The following SLC23A3 variants were observed in gnomAD, a reference collection of about 807,000 sequenced individuals.
SLC23A3 encodes the protein solute carrier family 23 member 3.
A neutral mutation model predicts 64.7 loss-of-function variants in SLC23A3; 41 were observed. That is an observed-to-expected ratio of 0.63 (90% confidence interval 0.49 to 0.82). SLC23A3 has a LOEUF of 0.82. SLC23A3 is among the 40% of genes least tolerant of loss of function. SLC23A3 has a pLI of 0.00. For synonymous variants in SLC23A3, 281 were observed against 306.8 expected, an observed-to-expected ratio of 0.92 and a Z score of 0.88; for missense variants, 647 against 733.4, an observed-to-expected ratio of 0.88 and a Z score of 1.36.
Position 219,165,308 on chromosome 2 carries a change from T to G in SLC23A3, c.1028A>C (p.His343Pro). ...GCYALCGRLL[H>P]LPPPPPHACS... ...GGCATGTGGAGGTGGGGGAGGCAAA[T>G]GCAGCAGCCGGCCACACAGGGCATA... Residue 343 changes from histidine (H) to proline (P), a missense_variant, in exon 8 of 12, where the codon CAT (histidine) becomes CCT (proline). His to Pro is a moderately conservative substitution (Grantham distance 77). Transcript: ENST00000409878. 1 of 1,551,508 alleles carries G rather than the reference T, an allele frequency of 6.4e-7. No homozygotes were observed. The highest frequency in any genetic ancestry group is 8.7e-7 in the Non-Finnish European group (1 of 1,146,974).
intron 10 of SLC23A3, among the ~76,000 whole-genome samples, chr2:219,162,927 A>T (rs1949964278): frequency 6.6e-6 from 1 of 152,160 alleles, no homozygotes; most frequent in Non-Finnish European, 1.5e-5. Flanking sequence ...GGGCAAAATC[A>T]CCCAGTTGAG....
intron 7 of SLC23A3, 94 bp from the exon 8 acceptor site, chr2:219,165,516 C>T: frequency 3.6e-6 from 5 of 1,405,384 alleles, no homozygotes; most frequent in South Asian, 1.4e-5. Context: ...CTAGATGCCT[C>T]AATGTCTTTG....
chr2:219,168,749 C>G lies in SLC23A3; in HGVS notation c.577G>C (p.Gly193Arg), dbSNP rs1950030767. The change falls in exon 5 of 12, where the codon GGG becomes CGG. Residue 193 changes from glycine to arginine, a missense_variant. Transcript: ENST00000409878. ...GSPGHVFPHC[G>R]PLVLAPSLVV... The stretch of plus-strand genomic sequence containing the variant: ...AGGCTGGGAGCCAGCACCAGGGGCC[C>G]ACAGTGGGGGAACACGTGGCCGGGA... 1.2e-6 allele frequency: 2 copies of G among 1,613,028 alleles called. No homozygotes were observed. Among genetic ancestry groups the G allele is most frequent in the Non-Finnish European group, 1.7e-6 (2 of 1,179,474 alleles).
rs573276187 is a variant in SLC23A3, at chr2:219,165,219, T to C, written c.1117A>G (p.Met373Val). The C allele has an allele frequency of 1.3e-6, 2 of 1,551,764 alleles. No individual in the cohort carries two copies. Among genetic ancestry groups the C allele is most frequent in the East Asian group, 2.4e-5 (1 of 40,924 alleles). ...TTGGGGAAGCTGGATGCAGTGCCCA[T>C]GGGGCTTCCCAGCAGCCCGGCCAGC... The part of the protein sequence containing the change: ...SVLAGLLGSP[M>V]GTASSFPNVG... The change falls in exon 8 of 12, where the codon ATG becomes GTG. Residue 373 changes from methionine to valine, a missense_variant. Transcript: ENST00000409878.
intron 4 of SLC23A3, 75 bp from the exon 5 acceptor site, chr2:219,168,908 T>C (rs924310055): frequency 1.2e-5 from 19 of 1,554,030 alleles, no homozygotes; most frequent in Non-Finnish European, 1.6e-5. Flanking sequence ...TCTTCCTAAT[T>C]CTAAGTATGG....
At position 219,169,239 on chromosome 2, in the gene SLC23A3, C is replaced by A; in HGVS notation, c.418+70G>T. On this transcript the variant is annotated intron_variant, in intron 3 of 11. Coordinates refer to ENST00000409878, the MANE Select transcript of SLC23A3 (RefSeq NM_001144889.2). The surrounding 1 kb of genome is among the most constrained non-coding windows in gnomAD (Gnocchi z 4.5). The stretch of plus-strand genomic sequence containing the variant: ...CCACTGCCCAATCTCAATTCTGCAC[C>A]CACCTACACCTGCATGCTCAGATGA... 6.2e-7 allele frequency: 1 copy of A among 1,612,832 alleles called. No individual in the cohort carries two copies. Among genetic ancestry groups the A allele is most frequent in the East Asian group, 2.2e-5 (1 of 44,862 alleles).
intron 8 of SLC23A3, 171 bp from the exon 9 acceptor site, chr2:219,164,509 T>A (rs755720889): frequency 3.2e-4 from 182 of 561,870 alleles, no homozygotes; most frequent in Non-Finnish European, 5.3e-4. Context: ...ACTACCCTGA[T>A]TTTTTTATAT....
rs1274139959 is a variant in SLC23A3, at chr2:219,168,028, G to A, written c.815C>T (p.Ala272Val). The A allele has an allele frequency of 3.2e-6, 5 of 1,585,566 alleles. No homozygotes were observed. Among genetic ancestry groups the A allele is most frequent in the Non-Finnish European group, 4.3e-6 (5 of 1,170,356 alleles). Reference protein sequence around the residue: ...FRLLSVLIPVACVWIVSAFVG... With the variant: ...FRLLSVLIPVVCVWIVSAFVG... ...AAAGGCAGAAACAATCCACACACAG[G>A]CCACTGGGATCAGCACCTGAGGGGC... is the stretch of plus-strand genomic sequence containing the variant. The change falls in exon 7 of 12, where the codon GCC becomes GTC. Residue 272 changes from alanine (A) to valine (V), a missense_variant. Coordinates refer to ENST00000409878, the MANE Select transcript of SLC23A3 (RefSeq NM_001144889.2).
At chr2:219,168,124 G>A in intron 6 of SLC23A3, 71 bp downstream of exon 6, 1 of 1,581,708 alleles carries the variant, frequency 6.3e-7, no homozygotes. Flanking sequence ...GAAGCCAAAA[G>A]GTAGGGGATG....
chr2:219,168,875 C>T (rs1950032532), intron 4 of SLC23A3, 42 bp from the exon 5 acceptor site: 1 of 1,563,328 alleles, frequency 6.4e-7, no homozygotes, highest in Non-Finnish European at 8.7e-7. Context: ...ACATTCTGCT[C>T]AATCAAACTG....
chr2:219,167,269 T>A (rs1323555842), intron 7 of SLC23A3, among the ~76,000 whole-genome samples: 1 of 152,012 alleles, frequency 6.6e-6, no homozygotes, highest in Non-Finnish European at 1.5e-5. Context: ...AAAAGTAAAT[T>A]AAATAAATAA....
At chr2:219,162,935 G>C (rs968159031) in intron 10 of SLC23A3, among the ~76,000 whole-genome samples, 3 of 152,290 alleles carry the variant, frequency 2.0e-5, no homozygotes, top group African/African-American at 7.2e-5. Flanking sequence ...TCACCCAGTT[G>C]AGAACTGGGT....
chr2:219,162,267 C>T (rs1949953345), intron 11 of SLC23A3, 32 bp downstream of exon 11: 1 of 1,613,578 alleles, frequency 6.2e-7, no homozygotes, highest in Non-Finnish European at 8.5e-7. Flanking sequence ...CCTGGCCACT[C>T]CCCAGTCTGC....
At position 219,161,654 on chromosome 2, in the gene SLC23A3, A is replaced by G. The variant is rs1949943299; in HGVS notation, c.*255T>C. ...AGTATTAAAGTGAATGCTGGGGTTCAAGTGGCATTGATAGTACACAGGCAA... is the reference window on the plus strand; with the variant it reads ...AGTATTAAAGTGAATGCTGGGGTTCGAGTGGCATTGATAGTACACAGGCAA... On this transcript the variant is annotated 3_prime_UTR_variant, in exon 12 of 12. Coordinates refer to ENST00000409878, the MANE Select transcript of SLC23A3 (RefSeq NM_001144889.2). 5.4e-6 allele frequency: 2 copies of G among 370,024 alleles called. No individual in the cohort carries two copies. The highest frequency in any genetic ancestry group is 9.7e-6 in the Non-Finnish European group (2 of 205,810). 22.9% of individuals were successfully genotyped at this position (370,024 alleles called of 1,614,324 possible).
rs1022293193 is a variant in SLC23A3, at chr2:219,165,517, A to G, written c.914-95T>C. ...GTGCCACAAGAATCCTAGATGCCTCAATGTCTTTGAAGACAATGTCTTGGG... is the reference window on the plus strand; with the variant it reads ...GTGCCACAAGAATCCTAGATGCCTCGATGTCTTTGAAGACAATGTCTTGGG... On this transcript the variant is annotated intron_variant, in intron 7 of 11. Coordinates refer to ENST00000409878, the MANE Select transcript of SLC23A3 (RefSeq NM_001144889.2). The G allele has an allele frequency of 7.9e-6, 11 of 1,388,550 alleles. No individual in the cohort carries two copies. In the East Asian group the frequency reaches 1.8e-4, roughly 22 times the overall value. The allele number at this position is 1,388,550 out of a possible 1,614,324, so 86.0% of individuals were successfully genotyped here. A position where few individuals can be genotyped will look rare whatever the true frequency, so the allele number is the denominator to read the frequency against.
In SLC23A3 at chr2:219,163,517, C is replaced by T; in HGVS notation, c.1312G>A (p.Ala438Thr). ...LGVTQAVVLS[A>T]GFSSFYLADI... is the part of the protein sequence containing the mutation. ...GCCAGGTAGAAGCTGGAGAATCCAG[C>T]AGACAAAACCACAGCCTGGGTCACC... The change falls in exon 10 of 12, where the codon GCT becomes ACT. Residue 438 changes from alanine (A) to threonine (T), a missense_variant. Coordinates refer to ENST00000409878, the MANE Select transcript of SLC23A3 (RefSeq NM_001144889.2). 6.2e-7 allele frequency: 1 copy of T among 1,614,170 alleles called. No individual in the cohort carries two copies. The highest frequency in any genetic ancestry group is 1.3e-5 in the African/African-American group (1 of 75,040).
At chr2:219,164,674 C>T (rs1949987578) in intron 8 of SLC23A3, 4 of 258,246 alleles carry the variant, frequency 1.5e-5, no homozygotes, top group South Asian at 5.2e-5. Flanking sequence ...ATTCTCCTGC[C>T]TCAGCCTCCT....
rs371775386 is a variant in SLC23A3, at chr2:219,163,498, T to G, written c.1331A>C (p.Tyr444Ser). Residue 444 changes from tyrosine (Y) to serine (S), a missense_variant, in exon 10 of 12, where the codon TAC (tyrosine) becomes TCC (serine). Tyr to Ser is a moderately radical substitution (Grantham distance 144). Transcript: ENST00000409878. ...TCGCCCAGAGTCTATGTCAGCCAGG[T>G]AGAAGCTGGAGAATCCAGCAGACAA... ...VVLSAGFSSF[Y>S]LADIDSGRNI... is the part of the protein sequence containing the mutation. 3.1e-6 allele frequency: 5 copies of G among 1,613,916 alleles called. No homozygotes were observed. In the African/African-American group the frequency reaches 6.7e-5, roughly 22 times the overall value.
chr2:219,163,447 A>G lies in SLC23A3; in HGVS notation c.1382T>C (p.Ile461Thr). ...TCTTGGCAGCAGCAAGGCCATGAAGATGGAGAAGCCCACAATGAAGATATT... is the reference window on the plus strand; with the variant it reads ...TCTTGGCAGCAGCAAGGCCATGAAGGTGGAGAAGCCCACAATGAAGATATT... ...GRNIFIVGFS[I>T]FMALLLPRWF... Residue 461 changes from isoleucine to threonine, a missense_variant, in exon 10 of 12, where the codon ATC (isoleucine) becomes ACC (threonine). By Grantham distance (89) the Ile-to-Thr change is moderately conservative. Coordinates refer to ENST00000409878, the MANE Select transcript of SLC23A3 (RefSeq NM_001144889.2). 6 of 1,614,206 alleles carry G rather than the reference A, an allele frequency of 3.7e-6. No homozygotes were observed. The highest frequency in any genetic ancestry group is 5.1e-6 in the Non-Finnish European group (6 of 1,180,048).
Sources: gnomAD v4.1 joint callset for allele counts (sites outside exome capture counted in the v4.1 genomes callset) on GRCh38, gnomAD v4.1.1 for gene constraint, Gnocchi (gnomAD v3.1) non-coding constraint, MANE v1.5 for transcripts, NCBI Gene and HGNC (gene_info 2026-07-23, HGNC 2026-07-21) for gene names.